The following PACRG variants were observed in gnomAD, a reference collection of about 807,000 sequenced individuals.
PACRG encodes parkin coregulated, also known as parkin coregulated gene protein.
In PACRG, 29 loss-of-function variants were observed where a neutral mutation model predicts 29.7. That is an observed-to-expected ratio of 0.98 (90% CI 0.73 to 1.33). PACRG has a LOEUF of 1.33. Among genes scored for constraint, PACRG ranks in the 40% most tolerant of loss-of-function variants. PACRG has a pLI of 0.00. For synonymous variants in PACRG, 116 were observed against 118.7 expected, an observed-to-expected ratio of 0.98 and a Z score of 0.15; for missense variants, 279 against 316.2, an observed-to-expected ratio of 0.88 and a Z score of 0.89.
At chr6:163,201,621 C>G (rs1032444868) in intron 4 of PACRG, among the ~76,000 whole-genome samples, 1 of 152,188 alleles carries the variant, frequency 6.6e-6, no homozygotes, top group Non-Finnish European at 1.5e-5. Flanking sequence ...CTACAGGTGT[C>G]TGGGGAGGCA....
intron 2 of PACRG, among the ~76,000 whole-genome samples, chr6:162,839,914 C>T (rs1376884695): frequency 3.7e-5 from 5 of 133,928 alleles, no homozygotes; most frequent in African/African-American, 5.6e-5. Context: ...AGATATGCGG[C>T]GTTATTTCTG....
intron 1 of PACRG, among the ~76,000 whole-genome samples, chr6:162,758,189 G>A (rs777702001): frequency 6.6e-5 from 10 of 152,028 alleles, no homozygotes; most frequent in East Asian, 1.9e-4. Context: ...TCTGACAGCC[G>A]TGTAAGATTT....
At chr6:162,756,961 CAT>C (rs1305949868) in intron 1 of PACRG, among the ~76,000 whole-genome samples, 2 of 152,174 alleles carry the variant, frequency 1.3e-5, no homozygotes, top group Admixed American at 6.5e-5. Context: ...ATTAAATACT[CAT>C]ATATTCTTGG....
intron 4 of PACRG, among the ~76,000 whole-genome samples, chr6:163,186,398 CACACAG>C (rs1243759336): frequency 6.6e-6 from 1 of 152,148 alleles, no homozygotes; most frequent in Non-Finnish European, 1.5e-5. Flanking sequence ...CAGATACACA[CACACAG>C]ACACAGACAC....
At chr6:163,157,795 G>A (rs543594154) in intron 4 of PACRG, among the ~76,000 whole-genome samples, 2 of 152,150 alleles carry the variant, frequency 1.3e-5, no homozygotes, top group Non-Finnish European at 2.9e-5. Flanking sequence ...ATTCCCCACC[G>A]TTTGGGCCAC....
intron 4 of PACRG, among the ~76,000 whole-genome samples, chr6:163,099,399 A>G (rs1585210000): frequency 6.6e-6 from 1 of 152,342 alleles, no homozygotes; most frequent in East Asian, 1.9e-4. Context: ...GCAGGCATGC[A>G]CATATTCGCC....
At chr6:163,149,959 A>G (rs1447321574) in intron 4 of PACRG, among the ~76,000 whole-genome samples, 2 of 152,188 alleles carry the variant, frequency 1.3e-5, no homozygotes. Flanking sequence ...TCCGTAGTTC[A>G]CACAATTTAA....
At chr6:162,892,529 C>T (rs1794840574) in intron 2 of PACRG, among the ~76,000 whole-genome samples, 1 of 152,092 alleles carries the variant, frequency 6.6e-6, no homozygotes, top group Non-Finnish European at 1.5e-5. Flanking sequence ...CTAACAACTC[C>T]CCCAGGCCCA....
chr6:163,117,682 C>T (rs1288634801), intron 4 of PACRG, among the ~76,000 whole-genome samples: 3 of 148,176 alleles, frequency 2.0e-5, no homozygotes, highest in Non-Finnish European at 3.0e-5. Context: ...ACCTGGGAGG[C>T]GGAGGTGGCA....
rs1283937796 is a variant in PACRG at position 163,155,332 on chromosome 6, C to T, written c.613+65924C>T. Among the ~76,000 whole-genome samples, 7 of 152,292 alleles carry T rather than the reference C, an allele frequency of 4.6e-5. No individual in the cohort carries two copies. In the East Asian group the frequency reaches 1.3e-3, roughly 29 times the overall value. ...CTCCATGAAGCTGGGAGGGTCATTC[C>T]AACTCAAGGGATCAGGGAACACTTC... is the stretch of plus-strand genomic sequence containing the variant. On this transcript the variant is annotated intron_variant, in intron 4 of 4. Transcript: ENST00000366888.
intron 4 of PACRG, among the ~76,000 whole-genome samples, chr6:163,186,424 C>T (rs9365544): frequency 0.66 from 99,541 of 151,882 alleles, 33,317 homozygotes; most frequent in Non-Finnish European, 0.72. Flanking sequence ...CACACACACA[C>T]GCAGACACAG....
At chr6:163,237,403 AT>A (rs890328476) in intron 4 of PACRG, among the ~76,000 whole-genome samples, 13 of 152,150 alleles carry the variant, frequency 8.5e-5, no homozygotes, top group African/African-American at 2.2e-4. Context: ...CTTAGCAAGT[AT>A]TTTTTATATA....
At chr6:163,287,874 G>A (rs1324538801) in intron 4 of PACRG, among the ~76,000 whole-genome samples, 1 of 152,144 alleles carries the variant, frequency 6.6e-6, no homozygotes, top group Non-Finnish European at 1.5e-5. Context: ...GAGGTTCCTG[G>A]AGATTTTCAG....
At chr6:163,110,393 A>T (rs984092791) in intron 4 of PACRG, among the ~76,000 whole-genome samples, 1 of 152,366 alleles carries the variant, frequency 6.6e-6, no homozygotes, top group African/African-American at 2.4e-5. Context: ...TAATAAAAGC[A>T]CAAATATATA....
At chr6:163,087,365 A>T (rs1813664697) in intron 3 of PACRG, among the ~76,000 whole-genome samples, 1 of 136,228 alleles carries the variant, frequency 7.3e-6, no homozygotes, top group Non-Finnish European at 1.6e-5. Flanking sequence ...CAGAAGAGAG[A>T]TGGTGAAAAT....
chr6:162,992,874 A>C (rs1488494443), intron 2 of PACRG, among the ~76,000 whole-genome samples: 1 of 150,766 alleles, frequency 6.6e-6, no homozygotes, highest in Non-Finnish European at 1.5e-5. Flanking sequence ...TCTTGTGGGC[A>C]TTCAGTGCTA....
At chr6:163,277,591 T>G (rs1380762330) in intron 4 of PACRG, among the ~76,000 whole-genome samples, 1 of 148,616 alleles carries the variant, frequency 6.7e-6, no homozygotes, top group Non-Finnish European at 1.5e-5. Flanking sequence ...TATACATATA[T>G]ACATATACAT....
At chr6:163,016,040 A>G (rs1428236580) in intron 2 of PACRG, among the ~76,000 whole-genome samples, 1 of 152,170 alleles carries the variant, frequency 6.6e-6, no homozygotes, top group Non-Finnish European at 1.5e-5. Flanking sequence ...CCTTTTATTA[A>G]GTAAATAAGA....
chr6:162,994,264 AT>A (rs1346311668), intron 2 of PACRG, among the ~76,000 whole-genome samples: 1 of 146,490 alleles, frequency 6.8e-6, no homozygotes, highest in Non-Finnish European at 1.5e-5. Context: ...CGTTCTCTGT[AT>A]TTCCTGAATC....
Sources: allele counts gnomAD v4.1 joint callset (sites outside exome capture counted in the v4.1 genomes callset), GRCh38; gene constraint gnomAD v4.1.1; transcripts MANE v1.5; gene names NCBI Gene and HGNC (gene_info 2026-07-23, HGNC 2026-07-21).